Variants in FAM13C observed in about 807,000 individuals in gnomAD.
FAM13C encodes the protein protein FAM13C.
FAM13C carries 37 observed loss-of-function variants against 73.2 expected under a neutral mutation model. The observed-to-expected ratio is 0.51, with a 90% CI of 0.39 to 0.67. The LOEUF (loss-of-function observed/expected upper bound fraction) is 0.67. Among genes scored for constraint, FAM13C ranks in the 30% least tolerant of loss-of-function variants. FAM13C has a pLI of 0.00. For synonymous variants in FAM13C, 246 were observed against 260.9 expected, an observed-to-expected ratio of 0.94 and a Z score of 0.55; for missense variants, 589 against 715.6, an observed-to-expected ratio of 0.82 and a Z score of 2.02.
intron 3 of FAM13C, among the ~76,000 whole-genome samples, chr10:59,341,442 C>T (rs942132998): frequency 6.6e-6 from 1 of 152,166 alleles, no homozygotes; most frequent in Admixed American, 6.6e-5. Context: ...AATCCCAGCA[C>T]TTTGAGAGGC....
chr10:59,262,730 G>C (rs1398734937), intron 9 of FAM13C, 85 bp from the exon 10 acceptor site: 1 of 1,153,858 alleles, frequency 8.7e-7, no homozygotes, highest in African/African-American at 1.5e-5. Context: ...TCCTTCCCCT[G>C]ATGCCAAATC....
Position 59,324,021 on chromosome 10 carries a change from A to C in FAM13C, c.410T>G (p.Phe137Cys). The C allele has an allele frequency of 6.2e-7, 1 of 1,614,070 alleles. No individual in the cohort carries two copies. The highest frequency in any genetic ancestry group is 8.5e-7 in the Non-Finnish European group (1 of 1,179,958). Residue 137 changes from phenylalanine (F) to cysteine (C), a missense_variant, in exon 4 of 14, where the codon TTC becomes TGC. Phe to Cys is a radical substitution (Grantham distance 205). Transcript: ENST00000618804. ...PAHESPQNNAFKCQETVRLQP... is the reference protein window; with the variant it reads ...PAHESPQNNACKCQETVRLQP... ...AAGTCGCACTGTTTCTTGGCACTTG[A>C]AGGCATTGTTTTGTGGACTCTCATG...
Position 59,270,112 on chromosome 10 carries a change from G to A in FAM13C, c.593-3C>T, listed in dbSNP as rs1843543054. 1 of 1,611,256 alleles carries A rather than the reference G, an allele frequency of 6.2e-7. No individual in the cohort carries two copies. Among genetic ancestry groups the A allele is most frequent in the Non-Finnish European group, 8.5e-7 (1 of 1,178,740 alleles). On this transcript the variant is annotated splice_region_variant and splice_polypyrimidine_tract_variant and intron_variant, in intron 6 of 13. Coordinates refer to ENST00000618804, the MANE Select transcript of FAM13C (RefSeq NM_198215.4). ...ATCTTTGTGGACTGGTGAGGGGTCT[G>A]GGCAAATGAGACAAATCATCAAGAC...
intron 3 of FAM13C, among the ~76,000 whole-genome samples, chr10:59,338,954 A>G (rs1853125246): frequency 6.6e-6 from 1 of 152,212 alleles, no homozygotes; most frequent in Admixed American, 6.5e-5. Flanking sequence ...ACAGTTGTGG[A>G]GGCCAGAAGT....
At chr10:59,283,307 G>A (rs894011398) in intron 6 of FAM13C, 56 bp downstream of exon 6, 2 of 1,566,912 alleles carry the variant, frequency 1.3e-6, no homozygotes, top group Non-Finnish European at 1.8e-6. Context: ...GAACCAGCAA[G>A]AGACTGAACT....
At chr10:59,286,185 G>A (rs1001596363) in intron 5 of FAM13C, among the ~76,000 whole-genome samples, 1 of 152,138 alleles carries the variant, frequency 6.6e-6, no homozygotes, top group Non-Finnish European at 1.5e-5. Flanking sequence ...GATAACTACT[G>A]TATACTCCCA....
At chr10:59,278,854 A>G (rs1255347149) in intron 6 of FAM13C, among the ~76,000 whole-genome samples, 3 of 152,188 alleles carry the variant, frequency 2.0e-5, no homozygotes, top group East Asian at 1.9e-4. Flanking sequence ...ACACACACAC[A>G]CACACCATAA....
At chr10:59,254,523 C>T in intron 10 of FAM13C, 80 bp from the exon 11 acceptor site, 1 of 681,392 alleles carries the variant, frequency 1.5e-6, no homozygotes, top group Non-Finnish European at 2.3e-6. Context: ...CAAAAAGCCT[C>T]AAAGTAAAGG....
intron 1 of FAM13C, among the ~76,000 whole-genome samples, chr10:59,360,747 C>A (rs554878049): frequency 6.6e-6 from 1 of 150,816 alleles, no homozygotes; most frequent in Non-Finnish European, 1.5e-5. Context: ...ATCACTGTCA[C>A]TCCTCTGAAA....
intron 6 of FAM13C, among the ~76,000 whole-genome samples, chr10:59,271,771 TAA>T: frequency 6.6e-6 from 1 of 152,218 alleles, no homozygotes; most frequent in East Asian, 1.9e-4. Flanking sequence ...CACTAGGCTC[TAA>T]GAAGAAATGT....
chr10:59,339,169 G>C (rs1379979484), intron 3 of FAM13C, among the ~76,000 whole-genome samples: 2 of 151,920 alleles, frequency 1.3e-5, no homozygotes, highest in African/African-American at 4.8e-5. Flanking sequence ...CCAGGCGTTG[G>C]CTTTAGGACT....
chr10:59,284,905 C>A (rs1237526885), intron 5 of FAM13C, among the ~76,000 whole-genome samples: 1 of 151,996 alleles, frequency 6.6e-6, no homozygotes, highest in Non-Finnish European at 1.5e-5. Context: ...CTGCTCCATA[C>A]ACACCTTCAC....
chr10:59,254,375 C>G lies in FAM13C; in HGVS notation c.1305G>C (p.Leu435Phe). 6.4e-7 allele frequency: 1 copy of G among 1,554,786 alleles called. No homozygotes were observed. ...TTGTTGGAATAAGGGAAGGTGTTGA[C>G]AAGATTTGCTTGATAATTCTGTATC... Reference protein sequence around the residue: ...YDRYRIIKQILSTPSLIPTIQ... With the variant: ...YDRYRIIKQIFSTPSLIPTIQ... Residue 435 changes from leucine (L) to phenylalanine (F), a missense_variant, in exon 11 of 14, where the codon TTG (leucine) becomes TTC (phenylalanine). Transcript: ENST00000618804.
chr10:59,262,412 A>T, intron 10 of FAM13C, 22 bp downstream of exon 10: 1 of 1,608,660 alleles, frequency 6.2e-7, no homozygotes, highest in Non-Finnish European at 8.5e-7. Context: ...GGCCCTCTAT[A>T]TAACAAGACA....
At chr10:59,280,234 C>T (rs541608457) in intron 6 of FAM13C, among the ~76,000 whole-genome samples, 1 of 152,274 alleles carries the variant, frequency 6.6e-6, no homozygotes, top group East Asian at 1.9e-4. Flanking sequence ...AAAAATAGGA[C>T]AATCCTGTGC....
At chr10:59,358,802 C>A (rs1416629289) in intron 1 of FAM13C, among the ~76,000 whole-genome samples, 1 of 152,190 alleles carries the variant, frequency 6.6e-6, no homozygotes, top group African/African-American at 2.4e-5. Flanking sequence ...AAGTATGAAG[C>A]TGGAGCTGAT....
At chr10:59,310,767 T>G (rs887544125) in intron 4 of FAM13C, among the ~76,000 whole-genome samples, 1 of 152,014 alleles carries the variant, frequency 6.6e-6, no homozygotes, top group Non-Finnish European at 1.5e-5. Flanking sequence ...GAAGCCAACT[T>G]CCCCAACCAC....
intron 6 of FAM13C, among the ~76,000 whole-genome samples, chr10:59,272,659 G>C (rs560640633): frequency 1.3e-5 from 2 of 152,284 alleles, no homozygotes; most frequent in African/African-American, 4.8e-5. Flanking sequence ...CTGGGAGCCG[G>C]GAGTTTGGTG....
At position 59,321,854 on chromosome 10, in the gene FAM13C, C is replaced by A. The variant is rs1322469540; in HGVS notation, c.443+2134G>T. On this transcript the variant is annotated intron_variant, in intron 4 of 13. Coordinates refer to ENST00000618804, the MANE Select transcript of FAM13C (RefSeq NM_198215.4). ...GTGTGACCCCAAGGAGTAAGGTGGC[C>A]TCTTGCTACAGAGAGATCTTTCTTC... Among the ~76,000 whole-genome samples, 6 of 152,114 alleles carry A rather than the reference C, an allele frequency of 3.9e-5. No individual in the cohort carries two copies. The South Asian group carries it at 1.0e-3, about 26-fold the overall frequency.
Sources: allele counts gnomAD v4.1 joint callset (sites outside exome capture counted in the v4.1 genomes callset), GRCh38; gene constraint gnomAD v4.1.1; transcripts MANE v1.5; gene names NCBI Gene and HGNC (gene_info 2026-07-23, HGNC 2026-07-21).